Variants in LRP1B observed in about 807,000 individuals in gnomAD.
LRP1B encodes LDL receptor related protein 1B, also known as low-density lipoprotein receptor-related protein 1B.
A neutral mutation model predicts 556.6 loss-of-function variants in LRP1B; 217 were observed. That is an observed-to-expected ratio of 0.39 (90% CI 0.35 to 0.44). The LOEUF is 0.44. LRP1B is among the 20% of genes least tolerant of loss of function. The probability of loss-of-function intolerance (pLI) is 1.00; values close to 1 mark genes in which losing one functional copy is unlikely to be tolerated. For synonymous variants in LRP1B, 2,047 were observed against 1,865.8 expected, an observed-to-expected ratio of 1.10 and a Z score of -2.50; for missense variants, 5,053 against 5,620.8, an observed-to-expected ratio of 0.90 and a Z score of 3.23.
chr2:141,655,263 A>T (rs1240558074), intron 2 of LRP1B, among the ~76,000 whole-genome samples: 1 of 152,178 alleles, frequency 6.6e-6, no homozygotes, highest in African/African-American at 2.4e-5. Context: ...AATAAAATAA[A>T]ACCTGACTTT....
intron 43 of LRP1B, among the ~76,000 whole-genome samples, chr2:140,558,513 T>G (rs1430889129): frequency 6.6e-6 from 1 of 152,134 alleles, no homozygotes; most frequent in Non-Finnish European, 1.5e-5. Context: ...ACATATTATA[T>G]GATTTAATTT....
chr2:141,512,735 T>G (rs1684174930), intron 2 of LRP1B, among the ~76,000 whole-genome samples: 1 of 152,058 alleles, frequency 6.6e-6, no homozygotes, highest in African/African-American at 2.4e-5. Context: ...TGCTCAAGAT[T>G]ATACAGAGTA....
chr2:140,470,714 G>T (rs555095778), intron 60 of LRP1B, among the ~76,000 whole-genome samples: 18 of 150,004 alleles, frequency 1.2e-4, no homozygotes, highest in Non-Finnish European at 2.5e-4. Flanking sequence ...CATGTAACTG[G>T]AGGCTTAAAC....
chr2:140,799,066 T>C (rs143796131), intron 32 of LRP1B, among the ~76,000 whole-genome samples: 1 of 152,304 alleles, frequency 6.6e-6, no homozygotes, highest in African/African-American at 2.4e-5. Context: ...TAAAGTTTTT[T>C]TAAATAAACG....
In LRP1B at chr2:140,868,264, CTA is replaced by C; in HGVS notation, c.4170-3_4170-2del. 2 of 991,918 alleles carry C rather than the reference CTA, an allele frequency of 2.0e-6. No individual in the cohort carries two copies. The highest frequency in any genetic ancestry group is 2.6e-6 in the Non-Finnish European group (2 of 763,082). 61.4% of individuals were successfully genotyped at this position (991,918 alleles called of 1,614,324 possible). On this transcript the variant is annotated splice_acceptor_variant and splice_polypyrimidine_tract_variant and intron_variant, in intron 25 of 90. Transcript: ENST00000389484. LOFTEE classifies it high-confidence loss of function. Reference sequence around the variant, plus strand: ...ATCCCAGTCTGTCCAGAAAAGAATTCTAAAAAAAAAAAAAAAAAAAGAAATAA... The same window carrying C: ...ATCCCAGTCTGTCCAGAAAAGAATTCAAAAAAAAAAAAAAAAAAGAAATAA...
At chr2:140,923,179 G>C (rs754152614) in intron 20 of LRP1B, 32 bp from the exon 21 acceptor site, 21 of 1,543,152 alleles carry the variant, frequency 1.4e-5, no homozygotes, top group Non-Finnish European at 1.5e-5. Flanking sequence ...GAGAAGCAGA[G>C]GGGGGCAAGA....
At chr2:141,597,815 T>G (rs971781254) in intron 2 of LRP1B, among the ~76,000 whole-genome samples, 1 of 152,082 alleles carries the variant, frequency 6.6e-6, no homozygotes, top group African/African-American at 2.4e-5. Flanking sequence ...GAACAGTCAC[T>G]TAAACGTATC....
intron 1 of LRP1B, among the ~76,000 whole-genome samples, chr2:142,092,630 T>TTG (rs562830502): frequency 0.035 from 4,678 of 134,210 alleles, 228 homozygotes; most frequent in African/African-American, 0.12. Context: ...GTAAGGAGAT[T>TTG]TGTGTGTGTG....
intron 43 of LRP1B, among the ~76,000 whole-genome samples, chr2:140,565,294 A>T (rs1218052693): frequency 2.3e-5 from 3 of 131,022 alleles, no homozygotes; most frequent in Non-Finnish European, 5.0e-5. Flanking sequence ...ATTTTTTCTG[A>T]ATTGTAATTT....
At chr2:141,285,604 C>T (rs1376158665) in intron 3 of LRP1B, among the ~76,000 whole-genome samples, 2 of 147,968 alleles carry the variant, frequency 1.4e-5, no homozygotes, top group Non-Finnish European at 3.0e-5. Flanking sequence ...TACAGGTGCC[C>T]GCCACCAAGG....
rs1162306243 is a variant in LRP1B at position 141,005,209 on chromosome 2, AATT to A, written c.2503+123_2503+125del. ...AGTTAATAATTTATAGTCTAAAAAG[AATT>A]ATATCTAAATAATTATCTGAATTTC... On this transcript the variant is annotated intron_variant, in intron 15 of 90. Transcript: ENST00000389484. 3.8e-6 allele frequency: 4 copies of A among 1,062,892 alleles called. No individual in the cohort carries two copies. In the African/African-American group the frequency reaches 6.4e-5, roughly 17 times the overall value. The allele number at this position is 1,062,892 out of a possible 1,614,324, so 65.8% of individuals were successfully genotyped here. A position where few individuals can be genotyped will look rare whatever the true frequency, so the allele number is the denominator to read the frequency against.
intron 2 of LRP1B, among the ~76,000 whole-genome samples, chr2:141,526,670 GC>G (rs1338389281): frequency 1.3e-5 from 2 of 151,928 alleles, no homozygotes; most frequent in Non-Finnish European, 1.5e-5. Context: ...GACCCCACCA[GC>G]ATAAACCTAC....
intron 41 of LRP1B, among the ~76,000 whole-genome samples, chr2:140,677,490 C>T (rs1333603952): frequency 6.6e-6 from 1 of 152,066 alleles, no homozygotes; most frequent in East Asian, 1.9e-4. Context: ...ATGGTTTCAA[C>T]AGCATAGGAA....
intron 31 of LRP1B, among the ~76,000 whole-genome samples, chr2:140,833,535 A>C (rs1403378044): frequency 6.6e-6 from 1 of 152,228 alleles, no homozygotes; most frequent in Non-Finnish European, 1.5e-5. Flanking sequence ...GTCTTTATTT[A>C]GAAATTTATT....
chr2:141,459,144 G>A (rs1022750801), intron 3 of LRP1B, among the ~76,000 whole-genome samples: 7 of 152,144 alleles, frequency 4.6e-5, no homozygotes, highest in Non-Finnish European at 7.3e-5. Context: ...AGCTCCCAGC[G>A]AACCTGGCAA....
intron 2 of LRP1B, among the ~76,000 whole-genome samples, chr2:141,596,150 C>T (rs80181481): frequency 0.023 from 3,551 of 151,998 alleles, 139 homozygotes; most frequent in African/African-American, 0.081. Flanking sequence ...AGATACTACC[C>T]TAGCTACTCC....
intron 2 of LRP1B, among the ~76,000 whole-genome samples, chr2:141,782,192 A>G (rs1695277305): frequency 6.6e-6 from 1 of 152,148 alleles, no homozygotes; most frequent in Admixed American, 6.6e-5. Context: ...CTTGCCAGAC[A>G]TGATTGAAAG....
At chr2:140,890,164 GCA>G (rs2105199921) in intron 23 of LRP1B, among the ~76,000 whole-genome samples, 1 of 111,960 alleles carries the variant, frequency 8.9e-6, no homozygotes, top group African/African-American at 2.6e-5. Context: ...ATATATAAAA[GCA>G]CAGTGTTAAA....
intron 90 of LRP1B, among the ~76,000 whole-genome samples, chr2:140,234,089 A>T (rs1173444218): frequency 6.6e-6 from 1 of 151,318 alleles, no homozygotes; most frequent in Non-Finnish European, 1.5e-5. Flanking sequence ...CGTCTTTCCA[A>T]AAACAGTACA....
Sources: gnomAD v4.1 joint callset for allele counts (sites outside exome capture counted in the v4.1 genomes callset) on GRCh38, gnomAD v4.1.1 for gene constraint, MANE v1.5 for transcripts, NCBI Gene and HGNC (gene_info 2026-07-23, HGNC 2026-07-21) for gene names.